Variants in TBXAS1 observed in about 807,000 individuals in gnomAD.
TBXAS1 encodes the protein thromboxane-A synthase.
In TBXAS1, 48 loss-of-function variants were observed where a neutral mutation model predicts 60.7. The observed-to-expected ratio is 0.79, with a 90% confidence interval of 0.63 to 1.01. The LOEUF is 1.01. TBXAS1 is among the 50% of genes least tolerant of loss of function. TBXAS1 has a pLI of 0.00. For missense variants in TBXAS1, 685 were observed against 686.3 expected, an observed-to-expected ratio of 1.00 and a Z score of 0.02; for synonymous variants, 287 against 269.7, an observed-to-expected ratio of 1.06 and a Z score of -0.63.
At chr7:139,816,121 T>G (rs1256578782) in intron 4 of TBXAS1, among the ~76,000 whole-genome samples, 2 of 152,222 alleles carry the variant, frequency 1.3e-5, no homozygotes, top group African/African-American at 4.8e-5. Context: ...CTTTACATGC[T>G]CTTTTTCTCT....
chr7:139,969,457 C>CAAAA (rs71170928), intron 9 of TBXAS1, among the ~76,000 whole-genome samples: 48 of 101,006 alleles, frequency 4.8e-4, no homozygotes, highest in African/African-American at 7.8e-4. Context: ...TATGTGCTTA[C>CAAAA]AAAAAAAAAA....
intron 9 of TBXAS1, among the ~76,000 whole-genome samples, chr7:139,965,719 T>TG (rs903765232): frequency 1.8e-4 from 28 of 152,164 alleles, no homozygotes; most frequent in South Asian, 1.0e-3. Context: ...TAGCTGGTTG[T>TG]GGGGGGGAGT....
intron 5 of TBXAS1, among the ~76,000 whole-genome samples, chr7:139,950,700 C>T (rs933102477): frequency 6.8e-5 from 10 of 146,922 alleles, no homozygotes; most frequent in Non-Finnish European, 7.7e-5. Flanking sequence ...CCTCCATCTA[C>T]GGGACCCCCT....
At chr7:139,930,307 G>A (rs79056642) in intron 4 of TBXAS1, among the ~76,000 whole-genome samples, 8,111 of 152,206 alleles carry the variant, frequency 0.053, 519 homozygotes, top group African/African-American at 0.15. Context: ...GTGAGGACAC[G>A]GAGCTTCATT....
intron 3 of TBXAS1, 195 bp downstream of exon 3, chr7:139,875,832 C>A: frequency 1.5e-6 from 1 of 685,206 alleles, no homozygotes; most frequent in Non-Finnish European, 2.5e-6. Context: ...CCTGGGGTTG[C>A]CCACGGGGGG....
chr7:139,971,614 A>C (rs1811203164), intron 9 of TBXAS1, among the ~76,000 whole-genome samples: 1 of 151,904 alleles, frequency 6.6e-6, no homozygotes, highest in African/African-American at 2.4e-5. Context: ...GCCCCTACTC[A>C]GGACTCCAGA....
chr7:139,826,027 T>C (rs1458842973), upstream of TBXAS1, among the ~76,000 whole-genome samples: 1 of 152,190 alleles, frequency 6.6e-6, no homozygotes, highest in East Asian at 1.9e-4. Context: ...TAAGATATTT[T>C]TTTTCTGAGC....
chr7:139,846,204 G>A (rs867427468), intron 1 of TBXAS1, among the ~76,000 whole-genome samples: 15 of 152,058 alleles, frequency 9.9e-5, no homozygotes, highest in Non-Finnish European at 1.8e-4. Flanking sequence ...AACTACTCCC[G>A]AGCACTTCGG....
chr7:139,992,067 T>G (rs1030993618), intron 9 of TBXAS1, among the ~76,000 whole-genome samples: 3 of 152,184 alleles, frequency 2.0e-5, no homozygotes, highest in African/African-American at 4.8e-5. Context: ...AGGCAAGCCC[T>G]CCCTGTCCGC....
chr7:139,953,718 A>G (rs1270402321), intron 6 of TBXAS1, among the ~76,000 whole-genome samples: 1 of 152,262 alleles, frequency 6.6e-6, no homozygotes, highest in African/African-American at 2.4e-5. Context: ...AGGAATGGGC[A>G]GGACAGGCCT....
intron 4 of TBXAS1, among the ~76,000 whole-genome samples, chr7:139,924,593 C>A (rs1806741768): frequency 6.6e-6 from 1 of 152,136 alleles, no homozygotes; most frequent in African/African-American, 2.4e-5. Flanking sequence ...ATACTTCCTC[C>A]CAGTCTGTGG....
intron 9 of TBXAS1, among the ~76,000 whole-genome samples, chr7:139,977,577 G>A (rs543418072): frequency 6.6e-6 from 1 of 152,110 alleles, no homozygotes; most frequent in South Asian, 2.1e-4. Flanking sequence ...TGAAGCCTAG[G>A]GACGTTCCAT....
At chr7:139,849,698 C>T (rs547948682) in intron 1 of TBXAS1, among the ~76,000 whole-genome samples, 46 of 152,182 alleles carry the variant, frequency 3.0e-4, no homozygotes, top group African/African-American at 4.6e-4. Context: ...TGGGATGGGG[C>T]GGGGCCCTAA....
At chr7:139,865,227 A>G (rs1426910996) in intron 1 of TBXAS1, among the ~76,000 whole-genome samples, 1 of 152,092 alleles carries the variant, frequency 6.6e-6, no homozygotes, top group Non-Finnish European at 1.5e-5. Flanking sequence ...TAAAATCTGT[A>G]TTGCACCATT....
At chr7:139,812,851 G>A (rs1370330830) in intron 4 of TBXAS1, among the ~76,000 whole-genome samples, 1 of 152,094 alleles carries the variant, frequency 6.6e-6, no homozygotes, top group African/African-American at 2.4e-5. Flanking sequence ...GAGGTCAGGA[G>A]TTCAAGGCCA....
intron 4 of TBXAS1, among the ~76,000 whole-genome samples, chr7:139,803,818 A>G (rs1797777504): frequency 6.6e-6 from 1 of 152,206 alleles, no homozygotes; most frequent in Admixed American, 6.5e-5. Context: ...TGCAGGTGCA[A>G]AAAAGTCAAG....
chr7:139,781,061 A>T (rs1187368071), intron 2 of TBXAS1, among the ~76,000 whole-genome samples: 12 of 152,218 alleles, frequency 7.9e-5, no homozygotes, highest in Non-Finnish European at 1.6e-4. Flanking sequence ...TTGGGCAAGG[A>T]AATAGAGTCC....
chr7:139,824,334 A>T (rs1479284212), upstream of TBXAS1, among the ~76,000 whole-genome samples: 1 of 152,220 alleles, frequency 6.6e-6, no homozygotes, highest in African/African-American at 2.4e-5. Flanking sequence ...CTGCCTGTAC[A>T]CAGGGTAGCA....
chr7:139,781,283 G>A (rs1014421892), intron 2 of TBXAS1, among the ~76,000 whole-genome samples: 11 of 152,144 alleles, frequency 7.2e-5, no homozygotes, highest in African/African-American at 1.9e-4. Flanking sequence ...CTTTCCTTCC[G>A]GTGACTGCAG....
Sources: gnomAD v4.1 joint callset for allele counts (sites outside exome capture counted in the v4.1 genomes callset) on GRCh38, gnomAD v4.1.1 for gene constraint, MANE v1.5 for transcripts, NCBI Gene and HGNC (gene_info 2026-07-23, HGNC 2026-07-21) for gene names.